SLC9C1: variants seen among roughly 807,000 people sequenced by gnomAD.
SLC9C1 encodes sodium/hydrogen exchanger 10.
Under a neutral mutation model 140.9 loss-of-function variants are expected in SLC9C1, and 97 were observed. That is an observed-to-expected ratio of 0.69 (90% CI 0.58 to 0.82). The LOEUF (loss-of-function observed/expected upper bound fraction) is 0.82. Ranked by LOEUF, SLC9C1 falls within the 40% of genes least tolerant of loss-of-function variation. The pLI, the probability that SLC9C1 is intolerant of heterozygous loss-of-function variation, is 0.00. For missense variants in SLC9C1, 1,340 were observed against 1,389.3 expected (o/e 0.96, Z 0.56); for synonymous variants, 440 against 442.6 (o/e 0.99, Z 0.07).
chr3:112,182,354 A>T, intron 20 of SLC9C1, 96 bp from the exon 21 acceptor site: 2 of 1,267,744 alleles, frequency 1.6e-6, no homozygotes, highest in Non-Finnish European at 2.1e-6. Context: ...ATTCTTGATC[A>T]TTTGACATTT....
chr3:112,142,596 CT>C (rs2074663714), intron 28 of SLC9C1, among the ~76,000 whole-genome samples: 1 of 152,060 alleles, frequency 6.6e-6, no homozygotes, highest in Non-Finnish European at 1.5e-5. Context: ...GACAGTATTA[CT>C]TTTTTGAGGT....
chr3:112,275,069 A>C (rs2080179554), intron 5 of SLC9C1, 44 bp from the exon 6 acceptor site: 1 of 1,509,214 alleles, frequency 6.6e-7, no homozygotes. Context: ...AGTGAGAAAA[A>C]CATTAAAAAT....
At chr3:112,196,098 C>A (rs150308565) in intron 20 of SLC9C1, among the ~76,000 whole-genome samples, 2 of 152,098 alleles carry the variant, frequency 1.3e-5, no homozygotes, top group East Asian at 3.9e-4. Flanking sequence ...TAACAAACTC[C>A]CTAAACTTTT....
intron 20 of SLC9C1, among the ~76,000 whole-genome samples, chr3:112,194,729 A>G (rs769035599): frequency 6.6e-6 from 1 of 152,088 alleles, no homozygotes; most frequent in Non-Finnish European, 1.5e-5. Context: ...CAGAGGTTAT[A>G]TCATTTTACT....
At chr3:112,175,905 G>T (rs1400698699) in intron 23 of SLC9C1, among the ~76,000 whole-genome samples, 1 of 152,224 alleles carries the variant, frequency 6.6e-6, no homozygotes, top group Non-Finnish European at 1.5e-5. Context: ...TGGCTGGCTG[G>T]ATTTCCAAGC....
At chr3:112,256,942 G>C (rs1281841623) in intron 10 of SLC9C1, among the ~76,000 whole-genome samples, 1 of 151,988 alleles carries the variant, frequency 6.6e-6, no homozygotes, top group Non-Finnish European at 1.5e-5. Flanking sequence ...GCCAAATCAA[G>C]AATTCAATCC....
At chr3:112,216,998 A>G (rs990981864) in intron 15 of SLC9C1, among the ~76,000 whole-genome samples, 1 of 152,178 alleles carries the variant, frequency 6.6e-6, no homozygotes, top group Non-Finnish European at 1.5e-5. Context: ...AATATGTCAC[A>G]TATACACCGT....
intron 23 of SLC9C1, among the ~76,000 whole-genome samples, chr3:112,174,983 C>T (rs1305596965): frequency 6.6e-6 from 1 of 152,134 alleles, no homozygotes; most frequent in Admixed American, 6.5e-5. Flanking sequence ...CTGGTCCCTA[C>T]AGACTCTCTG....
intron 14 of SLC9C1, among the ~76,000 whole-genome samples, chr3:112,219,140 T>C (rs2078471053): frequency 6.6e-6 from 1 of 152,168 alleles, no homozygotes; most frequent in South Asian, 2.1e-4. Flanking sequence ...GTGCTCAAAG[T>C]ATTATTTTTT....
intron 10 of SLC9C1, 79 bp from the exon 11 acceptor site, chr3:112,244,155 G>A: frequency 2.3e-6 from 2 of 857,776 alleles, no homozygotes; most frequent in Non-Finnish European, 3.5e-6. Flanking sequence ...TATAAATTAA[G>A]CTATTTTCCA....
chr3:112,226,715 C>T (rs1316513989), intron 13 of SLC9C1, among the ~76,000 whole-genome samples: 2 of 13,160 alleles, frequency 1.5e-4, no homozygotes, highest in Non-Finnish European at 4.0e-4. Context: ...GAGTAAGACT[C>T]CATCCCCCCC....
chr3:112,239,892 T>G lies in SLC9C1; in HGVS notation c.1394A>C (p.Asn465Thr). 1 of 1,613,956 alleles carries G rather than the reference T, an allele frequency of 6.2e-7. No individual in the cohort carries two copies. Among genetic ancestry groups the G allele is most frequent in the African/African-American group, 1.3e-5 (1 of 75,056 alleles). The change falls in exon 12 of 29, where the codon AAT (asparagine) becomes ACT (threonine). Residue 465 changes from asparagine to threonine, a missense_variant. Coordinates refer to ENST00000305815, the MANE Select transcript of SLC9C1 (RefSeq NM_183061.3). ...SALKFDKDLA[N>T]ADWNMIEKAI... ...TTTCTCAATCATGTTCCAATCAGCA[T>G]TAGCAAGATCTTTGTCAAATTTAAG...
At chr3:112,277,305 T>A (rs1252703437) in intron 5 of SLC9C1, among the ~76,000 whole-genome samples, 1 of 152,120 alleles carries the variant, frequency 6.6e-6, no homozygotes, top group African/African-American at 2.4e-5. Flanking sequence ...AAAATATTTT[T>A]AAAATGGCGT....
At position 112,244,029 on chromosome 3, in the gene SLC9C1, A is replaced by G; in HGVS notation, c.1245T>C (p.Asn415=). Reference sequence around the variant, plus strand: ...TAACTGCCACTGGCAAAATAAATCTATTGACAACAAGGGTTATTAGGCATA... The same window carrying G: ...TAACTGCCACTGGCAAAATAAATCTGTTGACAACAAGGGTTATTAGGCATA... ...VLVCLITLVV[N]RFILPVAVTI... is the part of the protein sequence containing the mutation. The change falls in exon 11 of 29, where the codon AAT becomes AAC. Residue 415 remains asparagine, a synonymous_variant. Coordinates refer to ENST00000305815, the MANE Select transcript of SLC9C1 (RefSeq NM_183061.3). 6.2e-7 allele frequency: 1 copy of G among 1,607,648 alleles called. No individual in the cohort carries two copies. Among genetic ancestry groups the G allele is most frequent in the Non-Finnish European group, 8.5e-7 (1 of 1,176,366 alleles).
At chr3:112,236,587 CT>C (rs199675304) in intron 12 of SLC9C1, among the ~76,000 whole-genome samples, 44,691 of 152,044 alleles carry the variant, frequency 0.29, 6,736 homozygotes, top group East Asian at 0.35. Flanking sequence ...ATCTTTCCTG[CT>C]TTCTCTTGTG....
In SLC9C1 at chr3:112,150,842, T is replaced by TA. The variant is rs1560003735; in HGVS notation, c.3524+1014_3524+1015insT. On this transcript the variant is annotated intron_variant, in intron 28 of 28. Coordinates refer to ENST00000305815, the MANE Select transcript of SLC9C1 (RefSeq NM_183061.3). ...TATACATATATATATATATATATAT[T>TA]TTTTTTTTTTTTTGAGATGAAGTCT... Among the ~76,000 whole-genome samples the TA allele has an allele frequency of 6.7e-4, 26 of 39,092 alleles. No homozygotes were observed. The East Asian group carries it at 0.017, about 26-fold the overall frequency. 25.6% of individuals were successfully genotyped at this position (39,092 alleles called of 152,430 possible).
At chr3:112,142,596 C>T (rs2074663594) in intron 28 of SLC9C1, among the ~76,000 whole-genome samples, 1 of 152,060 alleles carries the variant, frequency 6.6e-6, no homozygotes, top group Non-Finnish European at 1.5e-5. Flanking sequence ...GACAGTATTA[C>T]TTTTTTGAGG....
At chr3:112,207,899 C>G (rs1402166439) in intron 16 of SLC9C1, among the ~76,000 whole-genome samples, 1 of 152,122 alleles carries the variant, frequency 6.6e-6, no homozygotes, top group African/African-American at 2.4e-5. Flanking sequence ...CCTGCTAAGA[C>G]TGAGAATATT....
chr3:112,215,138 G>T (rs1448083329), intron 15 of SLC9C1, among the ~76,000 whole-genome samples: 1 of 151,404 alleles, frequency 6.6e-6, no homozygotes, highest in African/African-American at 2.4e-5. Context: ...ATGCAGAAAA[G>T]GCCTTCAACA....
Sources: gnomAD v4.1 joint callset for allele counts (sites outside exome capture counted in the v4.1 genomes callset) on GRCh38, gnomAD v4.1.1 for gene constraint, MANE v1.5 for transcripts, NCBI Gene and HGNC (gene_info 2026-07-23, HGNC 2026-07-21) for gene names.